Variants in RBMS3 observed in about 807,000 individuals in gnomAD.
RBMS3 encodes the protein RNA-binding motif, single-stranded-interacting protein 3.
In RBMS3, 27 loss-of-function variants were observed where a neutral mutation model predicts 66.8. That is an observed-to-expected ratio of 0.40 (90% CI 0.30 to 0.56). The LOEUF is 0.56. RBMS3 is among the 20% of genes least tolerant of loss of function. The pLI is 0.40. For synonymous variants in RBMS3, 188 were observed against 183.0 expected (o/e 1.03, Z -0.22); for missense variants, 513 against 549.5 (o/e 0.93, Z 0.66).
intron 3 of RBMS3, among the ~76,000 whole-genome samples, chr3:29,551,227 ATAG>A (rs1553620311): frequency 6.6e-6 from 1 of 152,226 alleles, no homozygotes; most frequent in Non-Finnish European, 1.5e-5. Context: ...TGATTGACAT[ATAG>A]ATCTTTTGAG....
chr3:29,906,607 G>T (rs1334476587), intron 10 of RBMS3, among the ~76,000 whole-genome samples: 1 of 151,978 alleles, frequency 6.6e-6, no homozygotes, highest in East Asian at 1.9e-4. Context: ...TCACTTTGGT[G>T]TATAAAAATG....
intron 1 of RBMS3, among the ~76,000 whole-genome samples, chr3:29,426,244 A>G (rs1386601290): frequency 6.6e-6 from 1 of 152,254 alleles, no homozygotes; most frequent in African/African-American, 2.4e-5. Context: ...GGCAAAGACC[A>G]GATGTCACTG....
chr3:29,398,131 C>A (rs2039640867), intron 1 of RBMS3, among the ~76,000 whole-genome samples: 1 of 152,122 alleles, frequency 6.6e-6, no homozygotes, highest in Non-Finnish European at 1.5e-5. Context: ...CATAAATCAA[C>A]CTCTTTGAGT....
intron 2 of RBMS3, among the ~76,000 whole-genome samples, chr3:29,484,912 T>A (rs902866223): frequency 6.6e-6 from 1 of 152,164 alleles, no homozygotes; most frequent in Non-Finnish European, 1.5e-5. Context: ...GAAAAATGAG[T>A]TAGCTGAGAG....
At chr3:29,938,685 G>A (rs2061324334) in intron 11 of RBMS3, among the ~76,000 whole-genome samples, 1 of 151,834 alleles carries the variant, frequency 6.6e-6, no homozygotes, top group Non-Finnish European at 1.5e-5. Flanking sequence ...GTTGATTTTG[G>A]AAAATCAGAT....
intron 4 of RBMS3, among the ~76,000 whole-genome samples, chr3:29,718,672 G>A (rs2053511435): frequency 6.6e-6 from 1 of 152,090 alleles, no homozygotes; most frequent in African/African-American, 2.4e-5. Context: ...TGCAGCTTTG[G>A]AAAAAGCAGG....
At chr3:29,669,889 A>G (rs1407314625) in intron 4 of RBMS3, among the ~76,000 whole-genome samples, 1 of 152,206 alleles carries the variant, frequency 6.6e-6, no homozygotes, top group South Asian at 2.1e-4. Flanking sequence ...CTTTCATAGA[A>G]TCATGCCTGG....
At chr3:29,795,967 CA>C (rs2149434579) in intron 6 of RBMS3, among the ~76,000 whole-genome samples, 1 of 152,266 alleles carries the variant, frequency 6.6e-6, no homozygotes, top group East Asian at 1.9e-4. Flanking sequence ...TGGATATGAA[CA>C]AATCATATAA....
At chr3:29,479,552 TG>T (rs150772961) in intron 2 of RBMS3, among the ~76,000 whole-genome samples, 10,934 of 152,014 alleles carry the variant, frequency 0.072, 467 homozygotes, top group East Asian at 0.16. Context: ...AATAAAGTAC[TG>T]GGTGCTTTCA....
chr3:29,777,411 T>C (rs2056464726), intron 6 of RBMS3, among the ~76,000 whole-genome samples: 2 of 151,948 alleles, frequency 1.3e-5, no homozygotes, highest in African/African-American at 4.8e-5. Context: ...GAGCATATTA[T>C]TCTAGTGTGA....
At chr3:29,356,045 T>C (rs1164624362) in intron 1 of RBMS3, among the ~76,000 whole-genome samples, 1 of 152,262 alleles carries the variant, frequency 6.6e-6, no homozygotes, top group Middle Eastern at 3.4e-3. Context: ...CCAGAAGTTA[T>C]TGAAAGAGAT....
At chr3:29,987,722 T>G (rs997429325) in intron 12 of RBMS3, among the ~76,000 whole-genome samples, 2 of 152,150 alleles carry the variant, frequency 1.3e-5, no homozygotes, top group African/African-American at 4.8e-5. Context: ...TACTAACCAT[T>G]TATATGATCA....
chr3:29,647,042 A>T (rs985286265), intron 4 of RBMS3, among the ~76,000 whole-genome samples: 1 of 152,044 alleles, frequency 6.6e-6, no homozygotes, highest in South Asian at 2.1e-4. Context: ...CAGTGGTGTG[A>T]TCTTGGCTCA....
chr3:29,444,510 A>G (rs1016629768), intron 2 of RBMS3, among the ~76,000 whole-genome samples: 1 of 152,128 alleles, frequency 6.6e-6, no homozygotes, highest in African/African-American at 2.4e-5. Context: ...ATAAAGGAAC[A>G]ATCAGTATGG....
chr3:29,723,191 G>A lies in RBMS3; in HGVS notation c.400-16529G>A, dbSNP rs540662659. On this transcript the variant is annotated intron_variant, in intron 4 of 14. Transcript: ENST00000383767. ...GGGGTTTCACCATGTTGGCTAGGCTGGTCTCAACTCCTGACCTCAGGTGAT... is the reference window on the plus strand; with the variant it reads ...GGGGTTTCACCATGTTGGCTAGGCTAGTCTCAACTCCTGACCTCAGGTGAT... 2.6e-5 allele frequency among the ~76,000 whole-genome samples: 4 copies of A among 152,042 alleles called. No individual in the cohort carries two copies. In the South Asian group the frequency reaches 8.3e-4, roughly 32 times the overall value.
At chr3:29,823,575 A>C (rs1414091579) in intron 6 of RBMS3, among the ~76,000 whole-genome samples, 1 of 152,232 alleles carries the variant, frequency 6.6e-6, no homozygotes, top group East Asian at 1.9e-4. Context: ...AATATTCTTA[A>C]TATGTACCAC....
At chr3:29,625,503 G>A (rs540466295) in intron 4 of RBMS3, among the ~76,000 whole-genome samples, 3 of 151,924 alleles carry the variant, frequency 2.0e-5, no homozygotes, top group East Asian at 1.9e-4. Flanking sequence ...AGACCAGCCC[G>A]ACCAAAGTGG....
intron 1 of RBMS3, among the ~76,000 whole-genome samples, chr3:29,422,657 A>G (rs2040801687): frequency 6.6e-6 from 1 of 152,040 alleles, no homozygotes; most frequent in Admixed American, 6.5e-5. Context: ...ATCATGAGGT[A>G]TTTTTTTCTT....
chr3:29,447,890 G>A lies in RBMS3; in HGVS notation c.248+12975G>A, dbSNP rs182661283. On this transcript the variant is annotated intron_variant, in intron 2 of 14. Transcript: ENST00000383767. ...TTTATTATTTGGGCCACAGACCTTC[G>A]TTTTTGATCATTGCAGCCTTCCACA... Among the ~76,000 whole-genome samples, 364 of 152,208 alleles carry A rather than the reference G, an allele frequency of 2.4e-3. 3 individuals are homozygous for A. The highest frequency in any genetic ancestry group is 8.1e-3 in the African/African-American group (336 of 41,540).
Sources: allele counts gnomAD v4.1 joint callset (sites outside exome capture counted in the v4.1 genomes callset), GRCh38; gene constraint gnomAD v4.1.1; transcripts MANE v1.5; gene names NCBI Gene and HGNC (gene_info 2026-07-23, HGNC 2026-07-21).